Variants in SPSB2 observed in about 807,000 individuals in gnomAD.
SPSB2 encodes splA/ryanodine receptor domain and SOCS box containing 2.
A neutral mutation model predicts 19.2 loss-of-function variants in SPSB2; 25 were observed. The ratio of observed to expected loss-of-function variants is 1.30; its 90% confidence interval spans 0.95 to 1.82. SPSB2 has a LOEUF of 1.82. Among genes scored for constraint, SPSB2 ranks in the 40% most tolerant of loss-of-function variants. The probability of loss-of-function intolerance (pLI) is 0.00; values close to 1 mark genes in which losing one functional copy is unlikely to be tolerated. For synonymous variants in SPSB2, 153 were observed against 154.9 expected, an observed-to-expected ratio of 0.99 and a Z score of 0.09; for missense variants, 413 against 344.9, an observed-to-expected ratio of 1.20 and a Z score of -1.56.
Position 6,872,590 on chromosome 12 carries a change from G to C in SPSB2, c.312C>G (p.Ala104=), listed in dbSNP as rs782717258. The C allele has an allele frequency of 2.5e-6, 4 of 1,608,140 alleles. No homozygotes were observed. Among genetic ancestry groups the C allele is most frequent in the Non-Finnish European group, 2.5e-6 (3 of 1,178,890 alleles). ...SWPLEQRGTH[A]VVGVATALAP... is the part of the protein sequence containing the mutation. ...CGAGGGCCGTGGCCACGCCCACCACGGCATGCGTGCCCCTCTGCTCTAGGG... is the reference window on the plus strand; with the variant it reads ...CGAGGGCCGTGGCCACGCCCACCACCGCATGCGTGCCCCTCTGCTCTAGGG... Residue 104 remains alanine (A), a synonymous_variant, in exon 2 of 3, where the codon GCC becomes GCG. Coordinates refer to ENST00000524270, the MANE Select transcript of SPSB2 (RefSeq NM_032641.4).
intron 1 of SPSB2, 43 bp from the exon 2 acceptor site, chr12:6,873,040 T>G: frequency 1.6e-6 from 1 of 620,684 alleles, no homozygotes; most frequent in Non-Finnish European, 2.8e-6. Flanking sequence ...TGGCGGGGGC[T>G]CGTCACCCAG....
At chr12:6,871,519 G>C in intron 2 of SPSB2, 200 bp from the exon 3 acceptor site, 3 of 637,512 alleles carry the variant, frequency 4.7e-6, no homozygotes, top group Non-Finnish European at 8.0e-6. Context: ...TGGGGGTGAA[G>C]AGCTGGCTAA....
At chr12:6,871,720 C>A in intron 2 of SPSB2, 1 of 340,172 alleles carries the variant, frequency 2.9e-6, no homozygotes, top group Non-Finnish European at 5.4e-6. Context: ...CCCTGCTGCC[C>A]CACCCTAAGG....
At position 6,871,267 on chromosome 12, in the gene SPSB2, C is replaced by T; in HGVS notation, c.717G>A (p.Leu239=). ...ACACCTGGCCGAGCCGGGTATCCCC[C>T]AGGTTGTGGCGCACACACAGGCGGC... is the stretch of plus-strand genomic sequence containing the variant. ...HLSRLCVRHN[L]GDTRLGQVSA... Residue 239 remains leucine, a synonymous_variant, in exon 3 of 3, where the codon CTG becomes CTA. Coordinates refer to ENST00000524270, the MANE Select transcript of SPSB2 (RefSeq NM_032641.4). The T allele has an allele frequency of 1.2e-6, 2 of 1,613,982 alleles. No homozygotes were observed. Among genetic ancestry groups the T allele is most frequent in the Non-Finnish European group, 1.7e-6 (2 of 1,179,988 alleles).
rs782181290 is a variant in SPSB2 at position 6,871,160 on chromosome 12, A to G, written c.*32T>C. On this transcript the variant is annotated 3_prime_UTR_variant, in exon 3 of 3. Coordinates refer to ENST00000524270, the MANE Select transcript of SPSB2 (RefSeq NM_032641.4). ...CTCCCCAAGGGGAGGGGTGGTGGCA[A>G]GACCTCAGCACAGTCTGTGGTATCA... 5 of 1,568,970 alleles carry G rather than the reference A, an allele frequency of 3.2e-6. No individual in the cohort carries two copies. The highest frequency in any genetic ancestry group is 1.4e-5 in the African/African-American group (1 of 73,836).
In SPSB2 at chr12:6,872,633, G is replaced by A. The variant is rs1315507407; in HGVS notation, c.269C>T (p.Ala90Val). Residue 90 changes from alanine to valine, a missense_variant, in exon 2 of 3, where the codon GCC becomes GTC. Coordinates refer to ENST00000524270, the MANE Select transcript of SPSB2 (RefSeq NM_032641.4). ...CTCTAGGGGCCAGCTGATCTCCCAG[G>A]CGTGCAGGCCCCTTGAATAGCCCCT... ...GKRGYSRGLH[A>V]WEISWPLEQR... The A allele has an allele frequency of 6.2e-7, 1 of 1,611,106 alleles. No individual in the cohort carries two copies. The highest frequency in any genetic ancestry group is 1.3e-5 in the African/African-American group (1 of 75,068).
Position 6,871,256 on chromosome 12 carries a change from C to T in SPSB2, c.728G>A (p.Arg243Gln), listed in dbSNP as rs781962434. ...LCVRHNLGDT[R>Q]LGQVSALPLP... ...GGGCAGGGCAGACACCTGGCCGAGC[C>T]GGGTATCCCCCAGGTTGTGGCGCAC... is the stretch of plus-strand genomic sequence containing the variant. Residue 243 changes from arginine to glutamine, a missense_variant, in exon 3 of 3, where the codon CGG (arginine) becomes CAG (glutamine). Transcript: ENST00000524270. The T allele has an allele frequency of 2.0e-5, 33 of 1,613,658 alleles. No homozygotes were observed. The highest frequency in any genetic ancestry group is 3.3e-4 in the Middle Eastern group (2 of 6,072).
At chr12:6,871,446 G>C in intron 2 of SPSB2, 127 bp from the exon 3 acceptor site, 1 of 1,045,460 alleles carries the variant, frequency 9.6e-7, no homozygotes, top group Non-Finnish European at 1.4e-6. Flanking sequence ...GGCTGAAAGG[G>C]GAATTTGAGA....
At position 6,872,565 on chromosome 12, in the gene SPSB2, C is replaced by T; in HGVS notation, c.337G>A (p.Ala113Thr). The change falls in exon 2 of 3, where the codon GCC becomes ACC. Residue 113 changes from alanine (A) to threonine (T), a missense_variant. Ala to Thr is a moderately conservative substitution (Grantham distance 58). Coordinates refer to ENST00000524270, the MANE Select transcript of SPSB2 (RefSeq NM_032641.4). ...HAVVGVATAL[A>T]PLQTDHYAAL... ...GCGTAGTGGTCAGTCTGCAGCGGGG[C>T]GAGGGCCGTGGCCACGCCCACCACG... 1 of 1,608,882 alleles carries T rather than the reference C, an allele frequency of 6.2e-7. No homozygotes were observed. The highest frequency in any genetic ancestry group is 8.5e-7 in the Non-Finnish European group (1 of 1,179,200).
rs782108227 is a variant in SPSB2, at chr12:6,872,520, T to C, written c.382A>G (p.Ser128Gly). 5 of 1,612,212 alleles carry C rather than the reference T, an allele frequency of 3.1e-6. No homozygotes were observed. The highest frequency in any genetic ancestry group is 4.2e-6 in the Non-Finnish European group (5 of 1,179,890). The change falls in exon 2 of 3, where the codon AGC (serine) becomes GGC (glycine). Residue 128 changes from serine (S) to glycine (G), a missense_variant. Coordinates refer to ENST00000524270, the MANE Select transcript of SPSB2 (RefSeq NM_032641.4). ...CCGATGTCCCAGCCCCACGACTCGC[T>C]GTTGCTGCCCAGCAGCGCCGCGTAG... Reference protein sequence around the residue: ...DHYAALLGSNSESWGWDIGRG... With the variant: ...DHYAALLGSNGESWGWDIGRG...
In SPSB2 at chr12:6,872,619, A is replaced by T; in HGVS notation, c.283T>A (p.Trp95Arg). 6.2e-7 allele frequency: 1 copy of T among 1,610,358 alleles called. No homozygotes were observed. Among genetic ancestry groups the T allele is most frequent in the Non-Finnish European group, 8.5e-7 (1 of 1,179,746 alleles). The change falls in exon 2 of 3, where the codon TGG becomes AGG. Residue 95 changes from tryptophan (W) to arginine (R), a missense_variant. Trp to Arg is a moderately radical substitution (Grantham distance 101, BLOSUM62 -3). Transcript: ENST00000524270. ...TGCGTGCCCCTCTGCTCTAGGGGCC[A>T]GCTGATCTCCCAGGCGTGCAGGCCC... ...SRGLHAWEIS[W>R]PLEQRGTHAV...
chr12:6,872,594 T>A lies in SPSB2; in HGVS notation c.308A>T (p.His103Leu), dbSNP rs373243982. 3.7e-6 allele frequency: 6 copies of A among 1,608,186 alleles called. No individual in the cohort carries two copies. Among genetic ancestry groups the A allele is most frequent in the African/African-American group, 1.3e-5 (1 of 75,028 alleles). ...GGCCGTGGCCACGCCCACCACGGCA[T>A]GCGTGCCCCTCTGCTCTAGGGGCCA... ...ISWPLEQRGT[H>L]AVVGVATALA... Residue 103 changes from histidine (H) to leucine (L), a missense_variant, in exon 2 of 3, where the codon CAT becomes CTT. By Grantham distance (99) the His-to-Leu change is moderately conservative. Transcript: ENST00000524270.
At position 6,872,578 on chromosome 12, in the gene SPSB2, C is replaced by T; in HGVS notation, c.324G>A (p.Val108=). 3 of 1,608,028 alleles carry T rather than the reference C, an allele frequency of 1.9e-6. No homozygotes were observed. Among genetic ancestry groups the T allele is most frequent in the Non-Finnish European group, 2.5e-6 (3 of 1,178,848 alleles). Residue 108 remains valine (V), a synonymous_variant, in exon 2 of 3, where the codon GTG becomes GTA. Transcript: ENST00000524270. ...EQRGTHAVVG[V]ATALAPLQTD... ...TCTGCAGCGGGGCGAGGGCCGTGGC[C>T]ACGCCCACCACGGCATGCGTGCCCC...
At position 6,872,818 on chromosome 12, in the gene SPSB2, G is replaced by A; in HGVS notation, c.84C>T (p.Gly28=). ...GGGGTGCAGACAGCAGCTCTTCCAA[G>A]CCCTCGGGACAGGAGAGGTCAGGGT... ...ALYPDLSCPE[G]LEELLSAPPP... The change falls in exon 2 of 3, where the codon GGC becomes GGT. Residue 28 remains glycine, a synonymous_variant. Coordinates refer to ENST00000524270, the MANE Select transcript of SPSB2 (RefSeq NM_032641.4). 1 of 1,611,810 alleles carries A rather than the reference G, an allele frequency of 6.2e-7. No homozygotes were observed. The highest frequency in any genetic ancestry group is 1.7e-5 in the Admixed American group (1 of 60,018).
At position 6,872,734 on chromosome 12, in the gene SPSB2, G is replaced by A. The variant is rs1944624162; in HGVS notation, c.168C>T (p.Asn56=). 6.2e-7 allele frequency: 1 copy of A among 1,612,828 alleles called. No individual in the cohort carries two copies. ...ACAACCCTCCTTCCTTGACCTCGAT[G>A]TTCTCTGAACAGTCTTTGGGGTTCC... ...HGWNPKDCSE[N]IEVKEGGLYF... is the part of the protein sequence containing the mutation. The change falls in exon 2 of 3, where the codon AAC becomes AAT. Residue 56 remains asparagine (N), a synonymous_variant. Coordinates refer to ENST00000524270, the MANE Select transcript of SPSB2 (RefSeq NM_032641.4).
At position 6,872,483 on chromosome 12, in the gene SPSB2, A is replaced by T; in HGVS notation, c.419T>A (p.Leu140Gln). The change falls in exon 2 of 3, where the codon CTG becomes CAG. Residue 140 changes from leucine to glutamine, a missense_variant. Physicochemically the swap from Leu to Gln is moderately radical, Grantham distance 113. Transcript: ENST00000524270. ...SWGWDIGRGK[L>Q]YHQSKGPGAP... ...TCCGGGCCCCTTGCTCTGATGGTAC[A>T]GCTTCCCCCGCCCGATGTCCCAGCC... 1 of 1,613,450 alleles carries T rather than the reference A, an allele frequency of 6.2e-7. No individual in the cohort carries two copies. Among genetic ancestry groups the T allele is most frequent in the Non-Finnish European group, 8.5e-7 (1 of 1,179,872 alleles).
chr12:6,870,982 C>A lies in SPSB2; in HGVS notation c.*210G>T. Reference sequence around the variant, plus strand: ...TATTTTTACTTGAAAAAATGTTTTGCGTAGCAGACTGTCATAGCCTTGAAC... The same window carrying A: ...TATTTTTACTTGAAAAAATGTTTTGAGTAGCAGACTGTCATAGCCTTGAAC... On this transcript the variant is annotated 3_prime_UTR_variant, in exon 3 of 3. Transcript: ENST00000524270. The A allele has an allele frequency of 1.5e-6, 1 of 688,448 alleles. No individual in the cohort carries two copies. Among genetic ancestry groups the A allele is most frequent in the Non-Finnish European group, 2.6e-6 (1 of 384,768 alleles). 42.6% of individuals were successfully genotyped at this position (688,448 alleles called of 1,614,324 possible).
intron 2 of SPSB2, 122 bp downstream of exon 2, chr12:6,872,116 G>C: frequency 6.2e-7 from 1 of 1,612,382 alleles, no homozygotes; most frequent in Non-Finnish European, 8.5e-7. Context: ...TCCCAGCACT[G>C]AACAGAGGTT....
rs1000452414 is a variant in SPSB2 at position 6,871,110 on chromosome 12, G to A, written c.*82C>T. 6.6e-7 allele frequency: 1 copy of A among 1,526,250 alleles called. No individual in the cohort carries two copies. Among genetic ancestry groups the A allele is most frequent in the Non-Finnish European group, 8.9e-7 (1 of 1,128,150 alleles). 94.5% of individuals were successfully genotyped at this position (1,526,250 alleles called of 1,614,324 possible). On this transcript the variant is annotated 3_prime_UTR_variant, in exon 3 of 3. Transcript: ENST00000524270. Reference sequence around the variant, plus strand: ...CAGCCTCACCAGCTTTCAGCAGCTGGTCTAGGCCAGCAGTGCCTCCCCACC... The same window carrying A: ...CAGCCTCACCAGCTTTCAGCAGCTGATCTAGGCCAGCAGTGCCTCCCCACC...
Sources: allele counts gnomAD v4.1 joint callset, GRCh38; gene constraint gnomAD v4.1.1; transcripts MANE v1.5; gene names NCBI Gene and HGNC (gene_info 2026-07-23, HGNC 2026-07-21).